DMRT1: variants seen among roughly 807,000 people sequenced by gnomAD.
DMRT1 encodes doublesex and mab-3 related transcription factor 1, also known as doublesex- and mab-3-related transcription factor 1.
In DMRT1, 7 loss-of-function variants were observed where a neutral mutation model predicts 32.3. The ratio of observed to expected loss-of-function variants is 0.22; its 90% confidence interval spans 0.12 to 0.41. The LOEUF is 0.41. Among genes scored for constraint, DMRT1 ranks in the 10% least tolerant of loss-of-function variants. The pLI is 1.00. For missense variants in DMRT1, 625 were observed against 500.5 expected, an observed-to-expected ratio of 1.25 and a Z score of -2.37; for synonymous variants, 278 against 206.1, an observed-to-expected ratio of 1.35 and a Z score of -2.99.
chr9:865,631 A>C (rs529801280), intron 2 of DMRT1, among the ~76,000 whole-genome samples: 1 of 152,218 alleles, frequency 6.6e-6, no homozygotes, highest in Non-Finnish European at 1.5e-5. Flanking sequence ...AAATGAAGCT[A>C]CCTGAACAGA....
intron 1 of DMRT1, 162 bp downstream of exon 1, chr9:842,354 C>T (rs1427710229): frequency 2.2e-6 from 2 of 924,218 alleles, no homozygotes; most frequent in Non-Finnish European, 3.2e-6. Flanking sequence ...CCTGCCTCAG[C>T]CTCCCAAGTA....
At chr9:852,204 T>C (rs1815173274) in intron 2 of DMRT1, among the ~76,000 whole-genome samples, 1 of 152,004 alleles carries the variant, frequency 6.6e-6, no homozygotes, top group Non-Finnish European at 1.5e-5. Flanking sequence ...CCCAAAGTGC[T>C]GGGATTACAG....
At chr9:913,669 C>T (rs187538630) in intron 3 of DMRT1, among the ~76,000 whole-genome samples, 3 of 150,544 alleles carry the variant, frequency 2.0e-5, no homozygotes, top group Non-Finnish European at 4.4e-5. Context: ...CCGAGGCGGG[C>T]GGATCACTTG....
chr9:908,314 T>G (rs1040254822), intron 3 of DMRT1, among the ~76,000 whole-genome samples: 1 of 151,932 alleles, frequency 6.6e-6, no homozygotes, highest in Non-Finnish European at 1.5e-5. Flanking sequence ...AAAATTTAGC[T>G]GGTCTTGGTG....
chr9:851,840 A>G (rs924368521), intron 2 of DMRT1, among the ~76,000 whole-genome samples: 6 of 152,246 alleles, frequency 3.9e-5, no homozygotes, highest in Middle Eastern at 3.4e-3. Context: ...ATTTTCTTAC[A>G]TGATTTTGGA....
intron 4 of DMRT1, among the ~76,000 whole-genome samples, chr9:941,925 C>G (rs1288624226): frequency 6.6e-6 from 1 of 152,110 alleles, no homozygotes; most frequent in South Asian, 2.1e-4. Flanking sequence ...TTGCTGGATT[C>G]AGGTTGTTTG....
chr9:900,820 G>A (rs1295365452), intron 3 of DMRT1, among the ~76,000 whole-genome samples: 3 of 151,784 alleles, frequency 2.0e-5, no homozygotes, highest in East Asian at 3.9e-4. Flanking sequence ...GAGTAGCTGG[G>A]ACTACAGGTG....
intron 1 of DMRT1, among the ~76,000 whole-genome samples, chr9:843,706 C>G (rs1395108838): frequency 6.6e-6 from 1 of 152,044 alleles, no homozygotes; most frequent in Non-Finnish European, 1.5e-5. Context: ...GAAAAGATAA[C>G]GAAGAAATGT....
chr9:902,570 C>G (rs1050089130), intron 3 of DMRT1, among the ~76,000 whole-genome samples: 1 of 151,396 alleles, frequency 6.6e-6, no homozygotes, highest in African/African-American at 2.4e-5. Flanking sequence ...CTCACTGCAA[C>G]CTCTGCCTCC....
At chr9:910,151 T>G (rs1028993475) in intron 3 of DMRT1, among the ~76,000 whole-genome samples, 2 of 152,176 alleles carry the variant, frequency 1.3e-5, no homozygotes, top group African/African-American at 4.8e-5. Context: ...AATGAAGCTC[T>G]AGAGAGATAC....
chr9:843,289 G>T (rs896820076), intron 1 of DMRT1, among the ~76,000 whole-genome samples: 1 of 152,244 alleles, frequency 6.6e-6, no homozygotes, highest in African/African-American at 2.4e-5. Context: ...TCGCTGCAAT[G>T]GACACAGCGT....
intron 2 of DMRT1, among the ~76,000 whole-genome samples, chr9:862,163 G>T (rs989069991): frequency 1.3e-5 from 2 of 150,642 alleles, no homozygotes; most frequent in South Asian, 2.1e-4. Flanking sequence ...CTGGGAGGTG[G>T]AGGTTGTAGC....
chr9:904,522 A>C (rs1463114462), intron 3 of DMRT1, among the ~76,000 whole-genome samples: 1 of 152,230 alleles, frequency 6.6e-6, no homozygotes. Flanking sequence ...ACTGTATTAC[A>C]GAGTATGCGT....
At chr9:967,331 C>T (rs866836386) in intron 4 of DMRT1, among the ~76,000 whole-genome samples, 10 of 152,076 alleles carry the variant, frequency 6.6e-5, no homozygotes, top group Admixed American at 2.0e-4. Flanking sequence ...GTTTTATGTT[C>T]CTAGGTTTGC....
At chr9:936,792 A>G (rs1439697022) in intron 4 of DMRT1, among the ~76,000 whole-genome samples, 4 of 151,546 alleles carry the variant, frequency 2.6e-5, no homozygotes, top group African/African-American at 7.3e-5. Flanking sequence ...GGAAGCCCTG[A>G]TAATCCTTTC....
intron 4 of DMRT1, among the ~76,000 whole-genome samples, chr9:920,675 C>T (rs1486249999): frequency 6.6e-6 from 1 of 152,276 alleles, no homozygotes; most frequent in Non-Finnish European, 1.5e-5. Flanking sequence ...GCCTTGGCTC[C>T]TTCTTTAAAG....
chr9:957,431 T>C (rs1819634872), intron 4 of DMRT1, among the ~76,000 whole-genome samples: 1 of 152,226 alleles, frequency 6.6e-6, no homozygotes, highest in African/African-American at 2.4e-5. Context: ...TATAGAAATA[T>C]TATTTCAGAA....
chr9:952,009 C>T (rs1265046710), intron 4 of DMRT1, among the ~76,000 whole-genome samples: 1 of 152,230 alleles, frequency 6.6e-6, no homozygotes, highest in Non-Finnish European at 1.5e-5. Flanking sequence ...TCACAACAGC[C>T]TTTAACATTG....
chr9:903,067 G>A (rs1414352560), intron 3 of DMRT1, among the ~76,000 whole-genome samples: 1 of 152,156 alleles, frequency 6.6e-6, no homozygotes, highest in East Asian at 1.9e-4. Flanking sequence ...TATAAACTTT[G>A]CCTTAAATGG....
Sources: gnomAD v4.1 joint callset for allele counts (sites outside exome capture counted in the v4.1 genomes callset) on GRCh38, gnomAD v4.1.1 for gene constraint, MANE v1.5 for transcripts, NCBI Gene and HGNC (gene_info 2026-07-23, HGNC 2026-07-21) for gene names.